ITFG1: variants seen among roughly 807,000 people sequenced by gnomAD.
ITFG1 encodes the protein integrin alpha FG-GAP repeat containing 1.
Under a neutral mutation model 81.8 loss-of-function variants are expected in ITFG1, and 34 were observed. The observed-to-expected ratio is 0.42, with a 90% CI of 0.32 to 0.55. ITFG1 has a LOEUF of 0.55. Among genes scored for constraint, ITFG1 ranks in the 20% least tolerant of loss-of-function variants. ITFG1 has a pLI of 0.17. For synonymous variants in ITFG1, 285 were observed against 270.6 expected (o/e 1.05, Z -0.52); for missense variants, 672 against 755.4 (o/e 0.89, Z 1.29).
chr16:47,433,792 T>TATATATATATATATATACAC (rs1491145615), intron 5 of ITFG1, among the ~76,000 whole-genome samples: 1 of 135,652 alleles, frequency 7.4e-6, no homozygotes, highest in African/African-American at 2.8e-5. Context: ...TATATATATA[T>TATATATATATATATATACAC]ACACACACAC....
chr16:47,270,521 C>G (rs1031332419), intron 10 of ITFG1, among the ~76,000 whole-genome samples: 21 of 152,212 alleles, frequency 1.4e-4, no homozygotes, highest in Middle Eastern at 3.2e-3. Flanking sequence ...AAAAGTTAAA[C>G]ATGCATGTTT....
intron 5 of ITFG1, among the ~76,000 whole-genome samples, chr16:47,443,462 G>A (rs1330712775): frequency 1.3e-5 from 2 of 152,026 alleles, no homozygotes; most frequent in Non-Finnish European, 2.9e-5. Context: ...TGTTTATTGC[G>A]ACACTATTCA....
At chr16:47,181,185 G>C (rs957721204) in intron 14 of ITFG1, among the ~76,000 whole-genome samples, 54 of 151,396 alleles carry the variant, frequency 3.6e-4, no homozygotes, top group Middle Eastern at 3.4e-3. Context: ...CCTCTGCCCG[G>C]CCGCCCCATC....
intron 14 of ITFG1, among the ~76,000 whole-genome samples, chr16:47,198,111 C>T (rs1965380184): frequency 6.6e-6 from 1 of 152,112 alleles, no homozygotes. Context: ...ATAAAGAAAA[C>T]AGCAAAATTA....
intron 1 of ITFG1, 32 bp downstream of exon 1, chr16:47,460,806 G>A (rs563951028): frequency 1.2e-6 from 2 of 1,607,638 alleles, no homozygotes; most frequent in Non-Finnish European, 1.7e-6. Context: ...CACACGGACA[G>A]CGAACAGAGG....
At position 47,165,847 on chromosome 16, in the gene ITFG1, A is replaced by AAAAC. The variant is rs570468575; in HGVS notation, c.1454-3187_1454-3184dup. 8.8e-4 allele frequency among the ~76,000 whole-genome samples: 134 copies of AAAAC among 152,310 alleles called. 1 individual carries two copies. Among genetic ancestry groups the AAAAC allele is most frequent in the East Asian group, 4.8e-3 (25 of 5,192 alleles). ...GGAGATAGAGTAAGACCCTGTCTCA[A>AAAAC]AAACAAACAAACAAACAAACCCAAA... On this transcript the variant is annotated intron_variant, in intron 14 of 17. Coordinates refer to ENST00000320640, the MANE Select transcript of ITFG1 (RefSeq NM_030790.5).
chr16:47,177,748 C>T (rs536025229), intron 14 of ITFG1, among the ~76,000 whole-genome samples: 11 of 152,256 alleles, frequency 7.2e-5, no homozygotes, highest in African/African-American at 2.2e-4. Context: ...CAGGGACCAC[C>T]TTTTAAATAA....
At position 47,365,876 on chromosome 16, in the gene ITFG1, A is replaced by C. The variant is rs1479182074; in HGVS notation, c.721-7T>G. The C allele has an allele frequency of 4.0e-6, 6 of 1,498,674 alleles. No homozygotes were observed. The highest frequency in any genetic ancestry group is 1.4e-5 in the African/African-American group (1 of 72,434). 92.8% of individuals were successfully genotyped at this position (1,498,674 alleles called of 1,614,324 possible). On this transcript the variant is annotated splice_region_variant and splice_polypyrimidine_tract_variant and intron_variant, in intron 7 of 17. Transcript: ENST00000320640. ...TGACAGAGAAGTTTCCATCCTGTTA[A>C]ATGAAGAAAACTTTGAATTAGACCA...
intron 14 of ITFG1, among the ~76,000 whole-genome samples, chr16:47,185,709 C>G (rs898539730): frequency 6.6e-6 from 1 of 152,066 alleles, no homozygotes; most frequent in African/African-American, 2.4e-5. Flanking sequence ...ACTAGAAAAG[C>G]AAGAGCAAAC....
chr16:47,253,570 A>G (rs936739487), intron 12 of ITFG1, among the ~76,000 whole-genome samples: 2 of 152,168 alleles, frequency 1.3e-5, no homozygotes, highest in East Asian at 1.9e-4. Context: ...GTTTTGCAGA[A>G]GAAGGGCAAT....
At chr16:47,441,764 T>A (rs564046898) in intron 5 of ITFG1, among the ~76,000 whole-genome samples, 1,568 of 152,168 alleles carry the variant, frequency 0.01, 9 homozygotes, top group Non-Finnish European at 0.016. Flanking sequence ...CTTTGAAAAC[T>A]GGCACAAGAC....
At chr16:47,436,949 C>A (rs1343738277) in intron 5 of ITFG1, among the ~76,000 whole-genome samples, 2 of 152,158 alleles carry the variant, frequency 1.3e-5, no homozygotes, top group Non-Finnish European at 2.9e-5. Context: ...ACCAATTACT[C>A]TTCATTTAGA....
At chr16:47,233,944 A>G (rs961855064) in intron 13 of ITFG1, among the ~76,000 whole-genome samples, 6 of 152,202 alleles carry the variant, frequency 3.9e-5, no homozygotes, top group Non-Finnish European at 7.3e-5. Context: ...AAAAACAAGG[A>G]CACTAGAGGA....
intron 13 of ITFG1, among the ~76,000 whole-genome samples, chr16:47,232,020 G>A (rs976825061): frequency 5.3e-5 from 8 of 152,180 alleles, no homozygotes; most frequent in African/African-American, 9.7e-5. Context: ...TTTGGGTATG[G>A]AGGAAAGGGC....
intron 17 of ITFG1, among the ~76,000 whole-genome samples, chr16:47,158,553 A>T (rs1256362089): frequency 6.6e-6 from 1 of 152,214 alleles, no homozygotes; most frequent in Non-Finnish European, 1.5e-5. Context: ...TTTTAAAATC[A>T]TTATTATTTT....
At chr16:47,213,204 A>G (rs965820830) in intron 14 of ITFG1, among the ~76,000 whole-genome samples, 21 of 152,154 alleles carry the variant, frequency 1.4e-4, no homozygotes, top group Admixed American at 4.6e-4. Context: ...GTGTTTAGAG[A>G]TTTTACAACA....
At chr16:47,207,208 G>A (rs1212650403) in intron 14 of ITFG1, among the ~76,000 whole-genome samples, 1 of 151,842 alleles carries the variant, frequency 6.6e-6, no homozygotes, top group Non-Finnish European at 1.5e-5. Context: ...TCAGCCTCCC[G>A]AGTAGCTGGG....
intron 5 of ITFG1, among the ~76,000 whole-genome samples, chr16:47,433,718 T>C (rs553472819): frequency 4.0e-5 from 6 of 149,110 alleles, no homozygotes; most frequent in Non-Finnish European, 8.9e-5. Context: ...GTACAGAAAA[T>C]GAAAGAACAG....
intron 10 of ITFG1, among the ~76,000 whole-genome samples, chr16:47,289,398 A>T (rs1003479626): frequency 3.2e-4 from 48 of 152,004 alleles, no homozygotes; most frequent in Non-Finnish European, 2.9e-4. Flanking sequence ...CACCTCCTAA[A>T]TTTTCTGAAA....
Sources: gnomAD v4.1 joint callset for allele counts (sites outside exome capture counted in the v4.1 genomes callset) on GRCh38, gnomAD v4.1.1 for gene constraint, MANE v1.5 for transcripts, NCBI Gene and HGNC (gene_info 2026-07-23, HGNC 2026-07-21) for gene names.